Variants in UTRN observed in about 807,000 individuals in gnomAD.
The protein encoded by UTRN is utrophin.
A neutral mutation model predicts 463.9 loss-of-function variants in UTRN; 283 were observed. The observed-to-expected ratio is 0.61, with a 90% CI of 0.55 to 0.67. The LOEUF (loss-of-function observed/expected upper bound fraction) is 0.67. Among genes scored for constraint, UTRN ranks in the 30% least tolerant of loss-of-function variants. UTRN has a pLI of 0.00. For missense variants in UTRN, 3,922 were observed against 4,084.3 expected (o/e 0.96, Z 1.08); for synonymous variants, 1,442 against 1,431.5 (o/e 1.01, Z -0.17).
rs542694229 is a variant in UTRN, at chr6:144,788,794, C to T, written c.8835-400C>T. 1.5e-3 allele frequency among the ~76,000 whole-genome samples: 224 copies of T among 152,276 alleles called. 1 individual carries two copies. The highest frequency in any genetic ancestry group is 5.1e-3 in the African/African-American group (211 of 41,548). On this transcript the variant is annotated intron_variant, in intron 61 of 74. Coordinates refer to ENST00000367545, the MANE Select transcript of UTRN (RefSeq NM_007124.3). ...GTCAGGCTGGTCTCGAACTCCTGAC[C>T]TCAGGTGATCCGCCTGCCTTGGCCT...
At chr6:144,505,642 T>C (rs977650119) in intron 34 of UTRN, among the ~76,000 whole-genome samples, 3 of 152,232 alleles carry the variant, frequency 2.0e-5, no homozygotes, top group African/African-American at 7.2e-5. Context: ...TTCTGTTCTT[T>C]TGCATTTGCT....
intron 49 of UTRN, among the ~76,000 whole-genome samples, chr6:144,556,446 C>A (rs571066543): frequency 6.6e-6 from 1 of 152,182 alleles, no homozygotes; most frequent in Non-Finnish European, 1.5e-5. Context: ...CATATTAGAA[C>A]ATTATTTTTT....
chr6:144,590,394 T>C (rs1802911090), intron 51 of UTRN, among the ~76,000 whole-genome samples: 1 of 152,176 alleles, frequency 6.6e-6, no homozygotes, highest in South Asian at 2.1e-4. Flanking sequence ...AAACGTTAAA[T>C]TATGTGTTCA....
intron 51 of UTRN, among the ~76,000 whole-genome samples, chr6:144,631,880 G>A (rs1225679574): frequency 6.6e-6 from 1 of 152,176 alleles, no homozygotes; most frequent in Admixed American, 6.5e-5. Flanking sequence ...AATTTAGAGG[G>A]AATGGAGGCT....
chr6:144,339,476 A>T (rs1414856244), intron 2 of UTRN, among the ~76,000 whole-genome samples: 1 of 152,186 alleles, frequency 6.6e-6, no homozygotes, highest in South Asian at 2.1e-4. Flanking sequence ...TCTGGTTTTC[A>T]TCATTGTACT....
intron 3 of UTRN, among the ~76,000 whole-genome samples, chr6:144,406,686 G>C (rs1783448006): frequency 6.6e-6 from 1 of 152,126 alleles, no homozygotes; most frequent in Non-Finnish European, 1.5e-5. Flanking sequence ...ATTTTCAAGA[G>C]AGTATCTACG....
chr6:144,332,930 T>G lies in UTRN; in HGVS notation c.79+41023T>G, dbSNP rs1445734117. 2.7e-5 allele frequency among the ~76,000 whole-genome samples: 4 copies of G among 150,926 alleles called. No individual in the cohort carries two copies. The East Asian group carries it at 7.8e-4, about 29-fold the overall frequency. On this transcript the variant is annotated intron_variant, in intron 2 of 74. Transcript: ENST00000367545. ...TTTATTTATTTATTTATTTATTTAT[T>G]TATTTATTTATTTATTTATTTGAGA...
intron 23 of UTRN, among the ~76,000 whole-genome samples, chr6:144,466,425 G>A (rs73780583): frequency 0.024 from 3,617 of 152,206 alleles, 147 homozygotes; most frequent in African/African-American, 0.076. Context: ...TGCATGTTGA[G>A]ATTGGACCTA....
chr6:144,831,241 C>T (rs1334839798), intron 69 of UTRN, among the ~76,000 whole-genome samples: 1 of 152,116 alleles, frequency 6.6e-6, no homozygotes, highest in East Asian at 1.9e-4. Context: ...GGGACTTTGC[C>T]ACAGGTTTTT....
At chr6:144,622,181 G>GTTTTTTTTTTTTT (rs1290959363) in intron 51 of UTRN, among the ~76,000 whole-genome samples, 1 of 73,724 alleles carries the variant, frequency 1.4e-5, no homozygotes, top group African/African-American at 4.9e-5. Flanking sequence ...ATTTTTTTTT[G>GTTTTTTTTTTTTT]TTGTTTTTTT....
rs1039714264 is a variant in UTRN, at chr6:144,851,641, C to T, written c.*644C>T. On this transcript the variant is annotated 3_prime_UTR_variant, in exon 75 of 75. Coordinates refer to ENST00000367545, the MANE Select transcript of UTRN (RefSeq NM_007124.3). The stretch of plus-strand genomic sequence containing the variant: ...GTTTAAGCTACAGCCCTGTGTATGC[C>T]GTTTAACTTTATTTGACGTTGCCCA... The T allele has an allele frequency of 1.3e-5, 2 of 152,200 alleles. No homozygotes were observed. The highest frequency in any genetic ancestry group is 2.1e-4 in the South Asian group (1 of 4,824). The allele number at this position is 152,200 out of a possible 1,614,324, so 9.4% of individuals were successfully genotyped here. A position where few individuals can be genotyped will look rare whatever the true frequency, so the allele number is the denominator to read the frequency against.
intron 2 of UTRN, among the ~76,000 whole-genome samples, chr6:144,364,886 T>G (rs1357207332): frequency 2.0e-5 from 3 of 152,210 alleles, no homozygotes; most frequent in Admixed American, 6.5e-5. Context: ...ATGTGGCTCG[T>G]TGCTCGCTCT....
At chr6:144,726,877 G>A (rs1787934728) in intron 53 of UTRN, among the ~76,000 whole-genome samples, 1 of 152,120 alleles carries the variant, frequency 6.6e-6, no homozygotes, top group Non-Finnish European at 1.5e-5. Flanking sequence ...CATCCATAAA[G>A]GAAGTTGATA....
intron 52 of UTRN, among the ~76,000 whole-genome samples, chr6:144,690,638 G>A (rs1213710320): frequency 6.6e-6 from 1 of 152,084 alleles, no homozygotes; most frequent in East Asian, 1.9e-4. Context: ...ACCTCCACAA[G>A]GTCTCCTGTG....
rs1251994737 is a variant in UTRN at position 144,522,055 on chromosome 6, C to A, written c.5617C>A (p.Leu1873Met). ...IRSSLLPTDYLVEINKILLCM... is the reference protein window; with the variant it reads ...IRSSLLPTDYMVEINKILLCM... ...ATCATCACTTCTTCCTACAGATTAT[C>A]TGGTTGAAATTAACAAAATTTTACT... The change falls in exon 40 of 75, where the codon CTG (leucine) becomes ATG (methionine). Residue 1873 changes from leucine to methionine, a missense_variant. By Grantham distance (15) the Leu-to-Met change is conservative. Around this residue, in one of 3 missense-constraint regions of UTRN, gnomAD observed 2,349 missense variants for 2,303.8 expected, o/e 1.02. Coordinates refer to ENST00000367545, the MANE Select transcript of UTRN (RefSeq NM_007124.3). The A allele has an allele frequency of 1.9e-6, 3 of 1,592,822 alleles. No homozygotes were observed. In the African/African-American group the frequency reaches 4.1e-5, roughly 22 times the overall value.
intron 51 of UTRN, among the ~76,000 whole-genome samples, chr6:144,615,143 A>G (rs1805949206): frequency 1.3e-5 from 2 of 152,298 alleles, no homozygotes; most frequent in South Asian, 2.1e-4. Flanking sequence ...GTTCAGAAAT[A>G]CTTACATTGA....
chr6:144,299,581 G>T (rs1169605135), intron 2 of UTRN, among the ~76,000 whole-genome samples: 1 of 152,010 alleles, frequency 6.6e-6, no homozygotes. Context: ...AATATATCTA[G>T]TGCCGACATA....
rs375404823 is a variant in UTRN, at chr6:144,453,901, T to G, written c.2284+32T>G. 50 of 1,584,792 alleles carry G rather than the reference T, an allele frequency of 3.2e-5. No homozygotes were observed. The African/African-American group carries it at 5.9e-4, about 19-fold the overall frequency. ...TCCTTGATTTTTTTCCCCTATATTT[T>G]TCAGATGGTGGCATCGAATAATATT... On this transcript the variant is annotated intron_variant, in intron 19 of 74. Transcript: ENST00000367545.
At chr6:144,545,177 T>A (rs866396417) in intron 46 of UTRN, among the ~76,000 whole-genome samples, 1 of 152,300 alleles carries the variant, frequency 6.6e-6, no homozygotes, top group South Asian at 2.1e-4. Flanking sequence ...ACTTCCGTGG[T>A]CTTGAACACC....
Sources: allele counts gnomAD v4.1 joint callset (sites outside exome capture counted in the v4.1 genomes callset), GRCh38; gene constraint gnomAD v4.1.1; regional missense constraint gnomAD v4.1.1; transcripts MANE v1.5; gene names NCBI Gene and HGNC (gene_info 2026-07-23, HGNC 2026-07-21).